The following CDON variants were observed in gnomAD, a reference collection of about 807,000 sequenced individuals.
CDON encodes cell adhesion molecule-related/down-regulated by oncogenes.
Under a neutral mutation model 120.9 loss-of-function variants are expected in CDON, and 73 were observed. That is an observed-to-expected ratio of 0.60 (90% confidence interval 0.50 to 0.73). The LOEUF (loss-of-function observed/expected upper bound fraction) is 0.73, where lower values mean the gene tolerates loss of function less well. CDON is among the 30% of genes least tolerant of loss of function. The pLI, the probability that CDON is intolerant of heterozygous loss-of-function variation, is 0.00. For missense variants in CDON, 1,470 were observed against 1,587.3 expected, an observed-to-expected ratio of 0.93 and a Z score of 1.26; for synonymous variants, 566 against 573.5, an observed-to-expected ratio of 0.99 and a Z score of 0.19.
At chr11:125,997,129 GACCC>G in intron 12 of CDON, 74 bp downstream of exon 12, 1 of 1,162,868 alleles carries the variant, frequency 8.6e-7, no homozygotes, top group Non-Finnish European at 1.3e-6. Context: ...AACAGAGTGA[GACCC>G]TGTCTCAAAA....
Position 126,053,067 on chromosome 11 carries a change from T to A in CDON, c.-62+9512A>T, listed in dbSNP as rs545475178. 5.3e-5 allele frequency among the ~76,000 whole-genome samples: 8 copies of A among 152,148 alleles called. No individual in the cohort carries two copies. In the South Asian group the frequency reaches 1.7e-3, roughly 32 times the overall value. ...AGGGACGACTGTATTCACAATTAGG[T>A]TTAAAATATGCTTTCACCCACCAGA... On this transcript the variant is annotated intron_variant, in intron 1 of 19. Transcript: ENST00000531738.
chr11:126,055,550 T>C (rs472650), intron 1 of CDON, among the ~76,000 whole-genome samples: 115,963 of 152,118 alleles, frequency 0.76, 45,485 homozygotes, highest in African/African-American at 0.94. Flanking sequence ...AGATCTTGAA[T>C]ATGGTTTTGA....
At chr11:125,988,414 C>T (rs1309681815) in intron 15 of CDON, among the ~76,000 whole-genome samples, 2 of 152,098 alleles carry the variant, frequency 1.3e-5, no homozygotes, top group Non-Finnish European at 2.9e-5. Flanking sequence ...CTCACTCTCT[C>T]GCCCAGACTG....
intron 1 of CDON, among the ~76,000 whole-genome samples, chr11:126,031,248 G>A (rs1162219406): frequency 1.3e-5 from 2 of 152,170 alleles, no homozygotes; most frequent in Non-Finnish European, 2.9e-5. Flanking sequence ...TTACAACCAG[G>A]TGAGGACATG....
At position 126,017,387 on chromosome 11, in the gene CDON, AAGG is replaced by A. The variant is rs754438298; in HGVS notation, c.641-15_641-13del. ...ATCTGAAGAAGGACCTGGAAAAGGA[AAGG>A]AGATGAGAGATTATTAGTAAGTCTT... On this transcript the variant is annotated splice_polypyrimidine_tract_variant and intron_variant, in intron 5 of 19. Transcript: ENST00000531738. The A allele has an allele frequency of 2.5e-6, 4 of 1,613,460 alleles. No individual in the cohort carries two copies. Among genetic ancestry groups the A allele is most frequent in the African/African-American group, 1.3e-5 (1 of 75,056 alleles).
At position 125,959,255 on chromosome 11, in the gene CDON, G is replaced by C. The variant is rs1945573084; in HGVS notation, c.*1687C>G. The C allele has an allele frequency of 6.6e-6, 1 of 152,148 alleles. No individual in the cohort carries two copies. Among genetic ancestry groups the C allele is most frequent in the African/African-American group, 2.4e-5 (1 of 41,430 alleles). The allele number at this position is 152,148 out of a possible 1,614,324, so 9.4% of individuals were successfully genotyped here. On this transcript the variant is annotated 3_prime_UTR_variant, in exon 20 of 20. Coordinates refer to ENST00000531738, the MANE Select transcript of CDON (RefSeq NM_001378964.1). Reference sequence around the variant, plus strand: ...ACAGAAAGTTGGTTAACACAGTATTGTATTCTATTCCACTGCGATTTCTGG... The same window carrying C: ...ACAGAAAGTTGGTTAACACAGTATTCTATTCTATTCCACTGCGATTTCTGG...
chr11:126,046,469 CAAAGA>C (rs372803562), intron 1 of CDON, among the ~76,000 whole-genome samples: 37 of 151,752 alleles, frequency 2.4e-4, no homozygotes, highest in East Asian at 3.9e-4. Context: ...TCTGTGGGGT[CAAAGA>C]AAAGAATGAG....
intron 18 of CDON, among the ~76,000 whole-genome samples, chr11:125,963,137 A>C (rs1945692778): frequency 6.6e-6 from 1 of 152,116 alleles, no homozygotes; most frequent in African/African-American, 2.4e-5. Context: ...AGAAACCCAT[A>C]AACTCATAAA....
intron 5 of CDON, among the ~76,000 whole-genome samples, chr11:126,017,973 C>T (rs1947519587): frequency 1.3e-5 from 2 of 152,036 alleles, no homozygotes; most frequent in South Asian, 2.1e-4. Flanking sequence ...AATCTCAGCT[C>T]ACTGCAACCT....
intron 1 of CDON, among the ~76,000 whole-genome samples, chr11:126,039,606 C>T (rs1948200163): frequency 6.6e-6 from 1 of 152,194 alleles, no homozygotes; most frequent in African/African-American, 2.4e-5. Context: ...TAGGATTATA[C>T]TACAACTGCT....
intron 2 of CDON, among the ~76,000 whole-genome samples, chr11:126,021,931 T>C (rs1392340195): frequency 6.6e-6 from 1 of 151,864 alleles, no homozygotes. Context: ...GGCAAAACCC[T>C]ATCTCAATAA....
intron 10 of CDON, 146 bp from the exon 11 acceptor site, chr11:126,001,996 T>A: frequency 1.5e-6 from 1 of 678,228 alleles, no homozygotes; most frequent in East Asian, 2.8e-5. Flanking sequence ...ACCTACTTCA[T>A]AAATACTTAG....
At position 126,015,485 on chromosome 11, in the gene CDON, T is replaced by C. The variant is rs779974288; in HGVS notation, c.954A>G (p.Leu318=). Residue 318 remains leucine (L), a synonymous_variant, in exon 7 of 20, where the codon CTA becomes CTG. Coordinates refer to ENST00000531738, the MANE Select transcript of CDON (RefSeq NM_001378964.1). The part of the protein sequence containing the change: ...VLEHASISKG[L]QDQIVSLGAT... ...CACCCAGAGACACTATCTGATCCTG[T>C]AGTCCTTTAGAAATGGAAGCATGTT... The C allele has an allele frequency of 9.9e-6, 16 of 1,613,956 alleles. No individual in the cohort carries two copies. Among genetic ancestry groups the C allele is most frequent in the African/African-American group, 2.7e-5 (2 of 74,924 alleles).
intron 18 of CDON, among the ~76,000 whole-genome samples, chr11:125,970,484 T>C (rs1251905793): frequency 2.6e-5 from 4 of 152,024 alleles, no homozygotes; most frequent in Admixed American, 2.6e-4. Flanking sequence ...GTAGTTTATG[T>C]TAAAATTCCA....
intron 1 of CDON, among the ~76,000 whole-genome samples, chr11:126,041,101 A>C (rs2097540964): frequency 6.6e-6 from 1 of 151,362 alleles, no homozygotes; most frequent in Non-Finnish European, 1.5e-5. Context: ...AGGCAGGAGA[A>C]TCACTTGAAC....
chr11:126,030,896 C>A (rs1460890454), intron 1 of CDON, among the ~76,000 whole-genome samples: 1 of 152,150 alleles, frequency 6.6e-6, no homozygotes, highest in Admixed American at 6.5e-5. Flanking sequence ...ATTTCCTACA[C>A]AAACTTCTCA....
rs750189088 is a variant in CDON at position 126,021,335 on chromosome 11, T to C, written c.262A>G (p.Asn88Asp). Residue 88 changes from asparagine to aspartate, a missense_variant, in exon 3 of 20, where the codon AAC (asparagine) becomes GAC (aspartate). By Grantham distance (23) the Asn-to-Asp change is conservative. Transcript: ENST00000531738. ...TGGTAGTAACCCAAAAGAGAGGAGT[T>C]GAGAGAAAGAATTGTCAGAGTCCCC... ...HQGTLTILSLNSSLLGYYQCL... is the reference protein window; with the variant it reads ...HQGTLTILSLDSSLLGYYQCL... 2.5e-6 allele frequency: 4 copies of C among 1,614,106 alleles called. No homozygotes were observed. The Admixed American group carries it at 5.0e-5, about 20-fold the overall frequency.
intron 1 of CDON, among the ~76,000 whole-genome samples, chr11:126,047,494 T>C (rs1299356050): frequency 6.6e-6 from 1 of 152,190 alleles, no homozygotes; most frequent in Non-Finnish European, 1.5e-5. Flanking sequence ...CTCAGTAACC[T>C]GTACCACAAT....
Position 126,019,699 on chromosome 11 carries a change from A to G in CDON, c.416T>C (p.Ile139Thr). ...GTTACTCTCCGGTACCCTGCAGCCA[A>G]TGAAACCAGCACTTTTTTCTTCTGC... ...ITAEEKSAGFIGCRVPESNPK... is the reference protein window; with the variant it reads ...ITAEEKSAGFTGCRVPESNPK... Residue 139 changes from isoleucine (I) to threonine (T), a missense_variant, in exon 4 of 20, where the codon ATT becomes ACT. Coordinates refer to ENST00000531738, the MANE Select transcript of CDON (RefSeq NM_001378964.1). 6.2e-7 allele frequency: 1 copy of G among 1,614,176 alleles called. No homozygotes were observed. Among genetic ancestry groups the G allele is most frequent in the Non-Finnish European group, 8.5e-7 (1 of 1,179,992 alleles).
Sources: gnomAD v4.1 joint callset for allele counts (sites outside exome capture counted in the v4.1 genomes callset) on GRCh38, gnomAD v4.1.1 for gene constraint, MANE v1.5 for transcripts, NCBI Gene and HGNC (gene_info 2026-07-23, HGNC 2026-07-21) for gene names.